Variants in LRRTM4 observed in about 807,000 individuals in gnomAD.
LRRTM4 encodes the protein leucine rich repeat transmembrane neuronal 4, also known as leucine-rich repeat transmembrane neuronal protein 4.
A neutral mutation model predicts 47.6 loss-of-function variants in LRRTM4; 25 were observed. The observed-to-expected ratio is 0.53, with a 90% CI of 0.38 to 0.73. The LOEUF (loss-of-function observed/expected upper bound fraction) is 0.73, where lower values mean the gene tolerates loss of function less well. Among genes scored for constraint, LRRTM4 ranks in the 30% least tolerant of loss-of-function variants. The pLI is 0.00. For synonymous variants in LRRTM4, 311 were observed against 269.5 expected (o/e 1.15, Z -1.51); for missense variants, 638 against 713.4 (o/e 0.89, Z 1.20).
chr2:77,518,553 A>G lies in LRRTM4; in HGVS notation c.1316T>C (p.Ile439Thr). ...SVALFLSVAM[I>T]LLVIYVSWKR... ...CCAAGACACATAGATCACCAAGAGG[A>G]TCATGGCCACTGAGAGAAAGAGAGC... The change falls in exon 3 of 4, where the codon ATC becomes ACC. Residue 439 changes from isoleucine to threonine, a missense_variant. Coordinates refer to ENST00000409884, the MANE Select transcript of LRRTM4 (RefSeq NM_001134745.3). 6.2e-7 allele frequency: 1 copy of G among 1,613,364 alleles called. No homozygotes were observed. Among genetic ancestry groups the G allele is most frequent in the East Asian group, 2.2e-5 (1 of 44,840 alleles).
At chr2:77,127,971 T>C (rs1671692498) in intron 3 of LRRTM4, among the ~76,000 whole-genome samples, 1 of 152,030 alleles carries the variant, frequency 6.6e-6, no homozygotes, top group African/African-American at 2.4e-5. Flanking sequence ...GGTGAAACCC[T>C]GTCTCTACTA....
intron 3 of LRRTM4, among the ~76,000 whole-genome samples, chr2:76,970,276 T>C (rs10205174): frequency 0.24 from 36,733 of 151,862 alleles, 5,619 homozygotes; most frequent in African/African-American, 0.43. Context: ...AAGTACATCA[T>C]GCTGCCTATT....
intron 3 of LRRTM4, among the ~76,000 whole-genome samples, chr2:77,219,660 A>T (rs1361311760): frequency 6.6e-6 from 1 of 152,166 alleles, no homozygotes; most frequent in Non-Finnish European, 1.5e-5. Flanking sequence ...TCAGGGCATG[A>T]TGGAAAGAGA....
At chr2:76,835,228 C>A (rs1671475207) in intron 3 of LRRTM4, among the ~76,000 whole-genome samples, 1 of 151,822 alleles carries the variant, frequency 6.6e-6, no homozygotes, top group African/African-American at 2.4e-5. Flanking sequence ...AAGTATGTAT[C>A]CCTTAATTAC....
intron 3 of LRRTM4, among the ~76,000 whole-genome samples, chr2:76,930,176 C>A (rs996613675): frequency 2.0e-5 from 3 of 152,126 alleles, no homozygotes; most frequent in African/African-American, 7.2e-5. Flanking sequence ...TTGCCTTGAG[C>A]ACCATCTGTA....
chr2:77,190,291 C>CTTTTTTTT (rs143873795), intron 3 of LRRTM4, among the ~76,000 whole-genome samples: 1 of 103,908 alleles, frequency 9.6e-6, no homozygotes, highest in Non-Finnish European at 1.8e-5. Flanking sequence ...GCATTTTCAT[C>CTTTTTTTT]TTTTTTTTTT....
At chr2:76,904,912 C>T (rs1362144376) in intron 3 of LRRTM4, among the ~76,000 whole-genome samples, 1 of 152,178 alleles carries the variant, frequency 6.6e-6, no homozygotes, top group Non-Finnish European at 1.5e-5. Flanking sequence ...CAAATAGGAA[C>T]AGCTTCGGTC....
At chr2:77,112,454 C>G (rs748723899) in intron 3 of LRRTM4, among the ~76,000 whole-genome samples, 1 of 152,124 alleles carries the variant, frequency 6.6e-6, no homozygotes, top group Non-Finnish European at 1.5e-5. Context: ...GGGCAATATA[C>G]TGAAAATTCT....
At chr2:77,142,457 A>T (rs1045805347) in intron 3 of LRRTM4, among the ~76,000 whole-genome samples, 8 of 146,758 alleles carry the variant, frequency 5.5e-5, no homozygotes, top group African/African-American at 2.1e-4. Context: ...ACACACACAC[A>T]CTTATCTCAA....
intron 3 of LRRTM4, among the ~76,000 whole-genome samples, chr2:76,809,027 C>T (rs916478535): frequency 2.0e-5 from 3 of 152,056 alleles, no homozygotes; most frequent in African/African-American, 7.2e-5. Flanking sequence ...CCATATTTTA[C>T]CCCAATTATC....
At chr2:77,134,258 A>T (rs867762890) in intron 3 of LRRTM4, among the ~76,000 whole-genome samples, 2 of 152,086 alleles carry the variant, frequency 1.3e-5, no homozygotes, top group Non-Finnish European at 2.9e-5. Flanking sequence ...TTTACATAAA[A>T]CTTAGGTCTT....
At chr2:77,268,811 A>G (rs1290530670) in intron 3 of LRRTM4, among the ~76,000 whole-genome samples, 1 of 152,022 alleles carries the variant, frequency 6.6e-6, no homozygotes, top group African/African-American at 2.4e-5. Flanking sequence ...CTTTTCTTCA[A>G]TTTCTGTCAT....
chr2:77,211,024 C>T (rs1674278844), intron 3 of LRRTM4, among the ~76,000 whole-genome samples: 1 of 152,090 alleles, frequency 6.6e-6, no homozygotes, highest in Non-Finnish European at 1.5e-5. Context: ...AAAAAGCTCC[C>T]CTGTACCCCT....
chr2:77,230,654 G>A (rs1211366444), intron 3 of LRRTM4, among the ~76,000 whole-genome samples: 1 of 151,708 alleles, frequency 6.6e-6, no homozygotes, highest in Non-Finnish European at 1.5e-5. Flanking sequence ...TGTAATCGGG[G>A]GTTTTATGCA....
intron 3 of LRRTM4, among the ~76,000 whole-genome samples, chr2:77,241,077 G>A (rs1195667415): frequency 6.6e-6 from 1 of 151,690 alleles, no homozygotes; most frequent in African/African-American, 2.4e-5. Flanking sequence ...GTATAAAAAA[G>A]AAGGAACTAG....
At chr2:77,245,496 A>T (rs1010446526) in intron 3 of LRRTM4, among the ~76,000 whole-genome samples, 42 of 144,354 alleles carry the variant, frequency 2.9e-4, no homozygotes, top group Non-Finnish European at 5.5e-4. Flanking sequence ...CCCACTTGGG[A>T]TACAGAGCAA....
chr2:77,067,132 G>T (rs911223414), intron 3 of LRRTM4, among the ~76,000 whole-genome samples: 1 of 152,164 alleles, frequency 6.6e-6, no homozygotes, highest in African/African-American at 2.4e-5. Context: ...GCAACATGAT[G>T]TTGGAAAATA....
chr2:77,139,836 A>C (rs1318572754), intron 3 of LRRTM4, among the ~76,000 whole-genome samples: 1 of 152,172 alleles, frequency 6.6e-6, no homozygotes, highest in Non-Finnish European at 1.5e-5. Context: ...AATAACAGAC[A>C]AACAGAGAGC....
At chr2:77,059,003 A>T (rs1679698588) in intron 3 of LRRTM4, among the ~76,000 whole-genome samples, 1 of 152,066 alleles carries the variant, frequency 6.6e-6, no homozygotes, top group Admixed American at 6.6e-5. Flanking sequence ...ACTTTTACAA[A>T]TTTTTTCATG....
Sources: allele counts gnomAD v4.1 joint callset (sites outside exome capture counted in the v4.1 genomes callset), GRCh38; gene constraint gnomAD v4.1.1; transcripts MANE v1.5; gene names NCBI Gene and HGNC (gene_info 2026-07-23, HGNC 2026-07-21).